ATG2A: variants seen among roughly 807,000 people sequenced by gnomAD.
ATG2A encodes the protein autophagy related 2A, also known as autophagy-related protein 2 homolog A.
In ATG2A, 103 loss-of-function variants were observed where a neutral mutation model predicts 214.2. The observed-to-expected ratio is 0.48, with a 90% confidence interval of 0.41 to 0.57. ATG2A has a LOEUF of 0.57. Ranked by LOEUF, ATG2A falls within the 20% of genes least tolerant of loss-of-function variation. ATG2A has a pLI of 0.00. For synonymous variants in ATG2A, 1,160 were observed against 1,142.1 expected (o/e 1.02, Z -0.32); for missense variants, 2,312 against 2,613.2 (o/e 0.88, Z 2.51).
intron 9 of ATG2A, 71 bp downstream of exon 9, chr11:64,911,771 A>G: frequency 6.3e-7 from 1 of 1,583,216 alleles, no homozygotes; most frequent in Non-Finnish European, 8.6e-7. Context: ...TGTGCCTCTG[A>G]CAGCCCACGG....
At position 64,917,162 on chromosome 11, in the gene ATG2A, C is replaced by T; in HGVS notation, c.-27G>A. On this transcript the variant is annotated 5_prime_UTR_variant, in exon 1 of 41. Coordinates refer to ENST00000377264, the MANE Select transcript of ATG2A (RefSeq NM_015104.3). Reference sequence around the variant, plus strand: ...TCGGAGACCGCCGGGCCTGGGCCGCCTCCGCTTGCCGCCCGCCGGCGATCC... The same window carrying T: ...TCGGAGACCGCCGGGCCTGGGCCGCTTCCGCTTGCCGCCCGCCGGCGATCC... 6.4e-7 allele frequency: 1 copy of T among 1,568,696 alleles called. No individual in the cohort carries two copies. The highest frequency in any genetic ancestry group is 8.6e-7 in the Non-Finnish European group (1 of 1,156,900).
At chr11:64,907,151 T>C in intron 19 of ATG2A, 104 bp downstream of exon 19, 2 of 1,354,046 alleles carry the variant, frequency 1.5e-6, no homozygotes, top group Non-Finnish European at 2.0e-6. Context: ...CACTCAGGCC[T>C]CCTGCTCTCC....
chr11:64,903,395 GCCCCCTTCCACCCGGCCCC>G lies in ATG2A; in HGVS notation c.3536-50_3536-32del. The G allele has an allele frequency of 6.2e-7, 1 of 1,611,306 alleles. No individual in the cohort carries two copies. The highest frequency in any genetic ancestry group is 8.5e-7 in the Non-Finnish European group (1 of 1,177,786). ...GCAGAGGCGAGAGAAAGGTCCTGTG[GCCCCCTTCCACCCGGCCCC>G]GGCCCCAGCACCTGGGGGAAGGATC... On this transcript the variant is annotated intron_variant, in intron 25 of 40. Transcript: ENST00000377264. This position sits in a 1 kb window ranked among gnomAD's most constrained non-coding sequence, Gnocchi z 4.2.
At position 64,914,142 on chromosome 11, in the gene ATG2A, C is replaced by T. The variant is rs1459148796; in HGVS notation, c.426G>A (p.Glu142=). ...AQECLRDGLP[E]PSEPPQPLEG... ...CCAGGGGCTGTGGTGGCTCAGAGGGCTCCGGTAGCCCATCCCGCAGACACT... is the reference window on the plus strand; with the variant it reads ...CCAGGGGCTGTGGTGGCTCAGAGGGTTCCGGTAGCCCATCCCGCAGACACT... The change falls in exon 3 of 41, where the codon GAG becomes GAA. Residue 142 remains glutamate, a synonymous_variant. Transcript: ENST00000377264. 4 of 1,552,752 alleles carry T rather than the reference C, an allele frequency of 2.6e-6. No homozygotes were observed. The East Asian group carries it at 7.3e-5, about 28-fold the overall frequency.
rs754201158 is a variant in ATG2A at position 64,906,181 on chromosome 11, T to C, written c.3196A>G (p.Thr1066Ala). 3.1e-6 allele frequency: 5 copies of C among 1,609,944 alleles called. No individual in the cohort carries two copies. Among genetic ancestry groups the C allele is most frequent in the Non-Finnish European group, 4.2e-6 (5 of 1,178,462 alleles). The change falls in exon 22 of 41, where the codon ACA (threonine) becomes GCA (alanine). Residue 1066 changes from threonine (T) to alanine (A), a missense_variant. Transcript: ENST00000377264. ...AAGGTGGCTTTGTGCAACCGCAGTG[T>C]CACCAGGAACTCCTGAGGGTGGGGG... Reference protein sequence around the residue: ...PHKNVKEFLVTLRLHKATLRH... With the variant: ...PHKNVKEFLVALRLHKATLRH...
intron 22 of ATG2A, 51 bp downstream of exon 22, chr11:64,906,062 A>T: frequency 6.5e-7 from 1 of 1,537,144 alleles, no homozygotes; most frequent in Middle Eastern, 1.7e-4. Context: ...CTTGCCCAAA[A>T]CAGAAGTCCA....
rs762100768 is a variant in ATG2A, at chr11:64,909,401, C to A, written c.2108-34G>T. On this transcript the variant is annotated intron_variant, in intron 14 of 40. Transcript: ENST00000377264. ...GGATGGGGAATTAGGGGGGTCATCA[C>A]TGCTGCCTTTTCCTATTTCTTCCCC... is the stretch of plus-strand genomic sequence containing the variant. 4 of 1,591,970 alleles carry A rather than the reference C, an allele frequency of 2.5e-6. No individual in the cohort carries two copies. The East Asian group carries it at 8.9e-5, about 36-fold the overall frequency.
At chr11:64,896,362 G>T in intron 39 of ATG2A, 100 bp downstream of exon 39, 1 of 1,456,450 alleles carries the variant, frequency 6.9e-7, no homozygotes, top group Non-Finnish European at 9.2e-7. Flanking sequence ...TACCCAGACT[G>T]CCCACTCTGA....
In ATG2A at chr11:64,917,039, G is replaced by A; in HGVS notation, c.97C>T (p.Leu33Phe). 1.2e-6 allele frequency: 2 copies of A among 1,613,866 alleles called. No individual in the cohort carries two copies. The highest frequency in any genetic ancestry group is 1.7e-6 in the Non-Finnish European group (2 of 1,180,028). Reference protein sequence around the residue: ...HYLGHFFQEHLSLDQLSLDLY... With the variant: ...HYLGHFFQEHFSLDQLSLDLY... ...TCGAGGCTGAGCTGGTCCAGGCTGAGGTGCTCTTGGAAGAAGTGACCTAAG... is the reference window on the plus strand; with the variant it reads ...TCGAGGCTGAGCTGGTCCAGGCTGAAGTGCTCTTGGAAGAAGTGACCTAAG... The change falls in exon 1 of 41, where the codon CTC becomes TTC. Residue 33 changes from leucine to phenylalanine, a missense_variant. Physicochemically the swap from Leu to Phe is conservative, Grantham distance 22 (BLOSUM62 0). Coordinates refer to ENST00000377264, the MANE Select transcript of ATG2A (RefSeq NM_015104.3).
At chr11:64,900,779 A>G in intron 30 of ATG2A, 105 bp downstream of exon 30, 1 of 1,447,376 alleles carries the variant, frequency 6.9e-7, no homozygotes, top group Non-Finnish European at 9.2e-7. Context: ...ACTGAGGCCC[A>G]CCTGGGGTGG....
Position 64,895,241 on chromosome 11 carries a change from T to C in ATG2A, c.5581-32A>G. 3.1e-6 allele frequency: 5 copies of C among 1,612,902 alleles called. No homozygotes were observed. Among genetic ancestry groups the C allele is most frequent in the Non-Finnish European group, 4.2e-6 (5 of 1,179,734 alleles). ...AAGCCAGAGGTCAGGGCGGGGTCTG[T>C]GTGAGGAGATGGGCATGGGGGACTG... On this transcript the variant is annotated intron_variant, in intron 40 of 40. Transcript: ENST00000377264. The surrounding 1 kb of genome is among the most constrained non-coding windows in gnomAD (Gnocchi z 5.0).
At chr11:64,905,717 G>A (rs1353739659) in intron 23 of ATG2A, 25 bp downstream of exon 23, 4 of 1,613,682 alleles carry the variant, frequency 2.5e-6, no homozygotes, top group South Asian at 2.2e-5. Context: ...CCCGTCCCCA[G>A]CCCCTGGCCC....
intron 22 of ATG2A, 90 bp from the exon 23 acceptor site, chr11:64,905,938 C>A (rs543157210): frequency 7.1e-7 from 1 of 1,417,048 alleles, no homozygotes; most frequent in African/African-American, 1.4e-5. Flanking sequence ...TGCCTGGCAC[C>A]TCACCTTCTG....
Position 64,906,125 on chromosome 11 carries a change from G to A in ATG2A, c.3252C>T (p.Ser1084=). ...CACCCACGCTCACCTGGGAATGCCA[G>A]CTCTGCTCGGGCAGGGCCATGTAGT... ...LRHYMALPEQ[S]WHSQLLEFLD... The change falls in exon 22 of 41, where the codon AGC becomes AGT. Residue 1084 remains serine, a synonymous_variant. Coordinates refer to ENST00000377264, the MANE Select transcript of ATG2A (RefSeq NM_015104.3). The A allele has an allele frequency of 1.0e-5, 16 of 1,585,312 alleles. No individual in the cohort carries two copies. The highest frequency in any genetic ancestry group is 1.3e-5 in the Non-Finnish European group (15 of 1,165,800).
Position 64,898,354 on chromosome 11 carries a change from G to A in ATG2A, c.4680C>T (p.Ile1560=), listed in dbSNP as rs770832715. 6.9e-6 allele frequency: 11 copies of A among 1,602,552 alleles called. No individual in the cohort carries two copies. In the Admixed American group the frequency reaches 1.9e-4, roughly 28 times the overall value. ...PRRAHSNMLT[I]KALHVAPTTN... The stretch of plus-strand genomic sequence containing the variant: ...TAGTGGGGGCCACATGCAGCGCTTT[G>A]ATGGTGAGCTGGGAGCAGAGGGTGA... Residue 1560 remains isoleucine, a synonymous_variant, in exon 33 of 41, where the codon ATC becomes ATT. Transcript: ENST00000377264. The surrounding 1 kb of genome is among the most constrained non-coding windows in gnomAD (Gnocchi z 4.5).
At position 64,894,991 on chromosome 11, in the gene ATG2A, C is replaced by T. The variant is rs140812675; in HGVS notation, c.5799G>A (p.Ser1933=). 1.1e-4 allele frequency: 183 copies of T among 1,612,164 alleles called. 1 individual carries two copies. The highest frequency in any genetic ancestry group is 2.3e-4 in the Admixed American group (14 of 59,948). ...AHKDHALKWR[S]DSAQD ...CCCAGGCTCAGTCTTGGGCACTGTC[C>T]GAGCGCCACTTGAGGGCGTGGTCCT... The change falls in exon 41 of 41, where the codon TCG becomes TCA. Residue 1933 remains serine, a synonymous_variant. Transcript: ENST00000377264.
rs751916594 is a variant in ATG2A, at chr11:64,903,303, G to C, written c.3597C>G (p.Ser1199Arg). The change falls in exon 26 of 41, where the codon AGC (serine) becomes AGG (arginine). Residue 1199 changes from serine (S) to arginine (R), a missense_variant. By Grantham distance (110) the Ser-to-Arg change is moderately radical (BLOSUM62 -1). Coordinates refer to ENST00000377264, the MANE Select transcript of ATG2A (RefSeq NM_015104.3). The surrounding 1 kb of genome is among the most constrained non-coding windows in gnomAD (Gnocchi z 4.2). ...LELVIKTWKG[S>R]TEGKLSQPLF... ...CCTCACTCACCAGTTTGCCCTCGGTGCTCCCTTTCCAGGTTTTAATCACAA... is the reference window on the plus strand; with the variant it reads ...CCTCACTCACCAGTTTGCCCTCGGTCCTCCCTTTCCAGGTTTTAATCACAA... 6 of 1,613,986 alleles carry C rather than the reference G, an allele frequency of 3.7e-6. No individual in the cohort carries two copies. In the South Asian group the frequency reaches 5.5e-5, roughly 15 times the overall value.
rs771972283 is a variant in ATG2A at position 64,911,161 on chromosome 11, G to T, written c.1343C>A (p.Pro448Gln). ...GAAAAAGTGCGTGGCGAGGTCAGGTGGTCCGGAAGATGGGGCAGACGTCTG... is the reference window on the plus strand; with the variant it reads ...GAAAAAGTGCGTGGCGAGGTCAGGTTGTCCGGAAGATGGGGCAGACGTCTG... ...LLQTSAPSSGPPDLATHFFTE... is the reference protein window; with the variant it reads ...LLQTSAPSSGQPDLATHFFTE... The change falls in exon 10 of 41, where the codon CCA becomes CAA. Residue 448 changes from proline to glutamine, a missense_variant. By Grantham distance (76) the Pro-to-Gln change is moderately conservative. Coordinates refer to ENST00000377264, the MANE Select transcript of ATG2A (RefSeq NM_015104.3). The T allele has an allele frequency of 1.9e-6, 3 of 1,614,048 alleles. No individual in the cohort carries two copies. Among genetic ancestry groups the T allele is most frequent in the African/African-American group, 2.7e-5 (2 of 74,934 alleles).
intron 16 of ATG2A, 99 bp from the exon 17 acceptor site, chr11:64,907,989 C>G (rs1314212593): frequency 1.4e-6 from 2 of 1,382,696 alleles, no homozygotes; most frequent in Non-Finnish European, 2.0e-6. Context: ...GTTCATCATT[C>G]ATTCATTCAT....
Sources: allele counts gnomAD v4.1 joint callset, GRCh38; gene constraint gnomAD v4.1.1; non-coding constraint Gnocchi (gnomAD v3.1); transcripts MANE v1.5; gene names NCBI Gene and HGNC (gene_info 2026-07-23, HGNC 2026-07-21).